The following ADGRE2 variants were observed in gnomAD, a reference collection of about 807,000 sequenced individuals.
ADGRE2 encodes the protein adhesion G protein-coupled receptor E2, also known as CD97 antigen.
In ADGRE2, 83 loss-of-function variants were observed where a neutral mutation model predicts 100.8. The ratio of observed to expected loss-of-function variants is 0.82; its 90% CI spans 0.69 to 0.99. ADGRE2 has a LOEUF of 0.99. Ranked by LOEUF, ADGRE2 falls within the 50% of genes least tolerant of loss-of-function variation. The pLI is 0.00. For synonymous variants in ADGRE2, 355 were observed against 413.0 expected (o/e 0.86, Z 1.70); for missense variants, 814 against 1,035.7 (o/e 0.79, Z 2.94).
At chr19:14,725,502 T>C in the ADGRE2 span, among the ~76,000 whole-genome samples, 1 of 152,136 alleles carries the variant, frequency 6.6e-6, no homozygotes, top group Admixed American at 6.5e-5. Flanking sequence ...GTCAAAAGTC[T>C]CATCTGAAGA....
rs766645193 is a variant in ADGRE2 at position 14,764,478 on chromosome 19, T to C, written c.1039A>G (p.Asn347Asp). 1 of 1,613,174 alleles carries C rather than the reference T, an allele frequency of 6.2e-7. No individual in the cohort carries two copies. The highest frequency in any genetic ancestry group is 1.7e-5 in the Admixed American group (1 of 60,004). Residue 347 changes from asparagine (N) to aspartate (D), a missense_variant, in exon 11 of 21, where the codon AAC (asparagine) becomes GAC (aspartate). By Grantham distance (23) the Asn-to-Asp change is conservative. Around this residue, in one of 5 missense-constraint regions of ADGRE2, gnomAD observed 569 missense variants for 692.7 expected, o/e 0.82. Coordinates refer to ENST00000315576, the MANE Select transcript of ADGRE2 (RefSeq NM_013447.4). The part of the protein sequence containing the change: ...LEDVLRGLSK[N>D]LSNGLLNFSY... The stretch of plus-strand genomic sequence containing the variant: ...AAGTTCAACAGCCCATTGGAAAGGT[T>C]CTTGCTCAGGCCTCTGAGGACATCC...
intron 17 of ADGRE2, 52 bp from the exon 18 acceptor site, chr19:14,746,375 C>CT (rs34368264): frequency 0.057 from 44,131 of 767,702 alleles, 1,021 homozygotes; most frequent in East Asian, 0.11. Flanking sequence ...CCTGTTATCT[C>CT]TTTTTTTTTT....
At chr19:14,752,239 T>G in intron 15 of ADGRE2, 90 bp downstream of exon 15, 2 of 1,506,070 alleles carry the variant, frequency 1.3e-6, no homozygotes, top group Non-Finnish European at 1.8e-6. Context: ...AGCCGGGCTA[T>G]TATATTAAGG....
intron 12 of ADGRE2, 91 bp downstream of exon 12, chr19:14,756,147 C>G: frequency 1.9e-6 from 2 of 1,065,792 alleles, no homozygotes; most frequent in Non-Finnish European, 2.9e-6. Context: ...CCACACTTCC[C>G]TTTAATCTTT....
chr19:14,729,243 C>G (rs1012874718), downstream of ADGRE2, among the ~76,000 whole-genome samples: 1 of 152,110 alleles, frequency 6.6e-6, no homozygotes, highest in Non-Finnish European at 1.5e-5. Flanking sequence ...CCTTATTGGC[C>G]AGATAATTCT....
chr19:14,767,243 T>C (rs2044022832), intron 5 of ADGRE2, 134 bp from the exon 6 acceptor site: 1 of 79,722 alleles, frequency 1.3e-5, no homozygotes, highest in Non-Finnish European at 1.9e-5. Context: ...TCTTTCTTTC[T>C]TTTTTTTTTT....
chr19:14,766,880 G>A, intron 6 of ADGRE2, 98 bp downstream of exon 6: 1 of 1,390,116 alleles, frequency 7.2e-7, no homozygotes, highest in South Asian at 1.3e-5. Context: ...GTGGGAACCT[G>A]CGGATCTTCT....
rs1012663908 is a variant in ADGRE2 at position 14,763,092 on chromosome 19, C to A, written c.1084+1341G>T. Among the ~76,000 whole-genome samples, 9 of 152,164 alleles carry A rather than the reference C, an allele frequency of 5.9e-5. 1 individual carries two copies. The South Asian group carries it at 1.5e-3, about 25-fold the overall frequency. On this transcript the variant is annotated intron_variant, in intron 11 of 20. Transcript: ENST00000315576. ...GTGGCTCACGCCTGTAATCCCAGCA[C>A]TTTGGGAAGCCGAGGCAAGTGGATT...
At chr19:14,759,310 C>T (rs1036273605) in intron 11 of ADGRE2, among the ~76,000 whole-genome samples, 97 of 151,792 alleles carry the variant, frequency 6.4e-4, no homozygotes, top group African/African-American at 2.2e-3. Flanking sequence ...TCAGGCTGCT[C>T]GTTATTAGAA....
intron 10 of ADGRE2, among the ~76,000 whole-genome samples, chr19:14,765,109 G>A (rs2043906352): frequency 6.6e-6 from 1 of 152,174 alleles, no homozygotes; most frequent in Non-Finnish European, 1.5e-5. Flanking sequence ...TATCAATGCT[G>A]ACCTAAACCC....
At chr19:14,758,734 A>G (rs2043588205) in intron 11 of ADGRE2, among the ~76,000 whole-genome samples, 5 of 151,916 alleles carry the variant, frequency 3.3e-5, no homozygotes, top group Admixed American at 3.3e-4. Flanking sequence ...AATACAAAAA[A>G]ATTAGCTGGG....
rs1214376320 is a variant in ADGRE2, at chr19:14,736,264, A to T, written c.2464-20T>A. The T allele has an allele frequency of 6.7e-7, 1 of 1,490,808 alleles. No homozygotes were observed. The highest frequency in any genetic ancestry group is 2.3e-5 in the East Asian group (1 of 42,908). The allele number at this position is 1,490,808 out of a possible 1,614,324, so 92.3% of individuals were successfully genotyped here. ...GTTAACCTGAAATATATATATATGT[A>T]TGTATTTTGTTGTTGAGACAGAGTT... On this transcript the variant is annotated intron_variant, in intron 20 of 20. Transcript: ENST00000315576.
Position 14,734,686 on chromosome 19 carries a change from C to T in ADGRE2, c.*1550G>A, listed in dbSNP as rs1251049506. 1 of 152,216 alleles carries T rather than the reference C, an allele frequency of 6.6e-6. No homozygotes were observed. Among genetic ancestry groups the T allele is most frequent in the Non-Finnish European group, 1.5e-5 (1 of 68,056 alleles). The allele number at this position is 152,216 out of a possible 1,614,324, so 9.4% of individuals were successfully genotyped here. ...AGGTGATCTGACCACCTCAGCCTCC[C>T]AAAGTGCTGGGATTATAGGCGTGAG... On this transcript the variant is annotated 3_prime_UTR_variant, in exon 21 of 21. Transcript: ENST00000315576.
At chr19:14,758,314 C>G (rs961235250) in intron 11 of ADGRE2, among the ~76,000 whole-genome samples, 1 of 152,162 alleles carries the variant, frequency 6.6e-6, no homozygotes, top group African/African-American at 2.4e-5. Flanking sequence ...ATGCTTACAA[C>G]TGGACAACCA....
In ADGRE2 at chr19:14,734,460, G is replaced by C. The variant is rs992690008; in HGVS notation, c.*1776C>G. ...GCTTAGGCCTTGGGAGGTCGAGGCT[G>C]CAGTGAGCAGTGTTTGTGCCATTGT... is the stretch of plus-strand genomic sequence containing the variant. On this transcript the variant is annotated 3_prime_UTR_variant, in exon 21 of 21. Transcript: ENST00000315576. The C allele has an allele frequency of 2.6e-5, 4 of 152,244 alleles. No individual in the cohort carries two copies. Among genetic ancestry groups the C allele is most frequent in the African/African-American group, 9.7e-5 (4 of 41,446 alleles). 9.4% of individuals were successfully genotyped at this position (152,244 alleles called of 1,614,324 possible).
intron 18 of ADGRE2, among the ~76,000 whole-genome samples, chr19:14,745,371 T>C (rs561545451): frequency 1.8e-4 from 27 of 152,330 alleles, no homozygotes; most frequent in South Asian, 6.2e-4. Flanking sequence ...ATTTGGGGTA[T>C]CCGTCACTTC....
downstream of ADGRE2, among the ~76,000 whole-genome samples, chr19:14,729,023 G>C (rs2042651092): frequency 6.6e-6 from 1 of 152,186 alleles, no homozygotes; most frequent in African/African-American, 2.4e-5. Flanking sequence ...GTGCAGTTTT[G>C]AAGGGTATGT....
rs765498436 is a variant in ADGRE2, at chr19:14,766,991, C to A, written c.474G>T (p.Pro158=). ...TGGGGCCTCTACCTGTGCAGAGCTT[C>A]GGGTCCTCAGGTTTGAGCTTGAAGC... is the stretch of plus-strand genomic sequence containing the variant. The part of the protein sequence containing the change: ...LPGFKLKPED[P]KLCTDVNECT... The change falls in exon 6 of 21, where the codon CCG becomes CCT. Residue 158 remains proline, a synonymous_variant. Transcript: ENST00000315576. The A allele has an allele frequency of 8.5e-7, 1 of 1,174,534 alleles. No individual in the cohort carries two copies. The highest frequency in any genetic ancestry group is 1.2e-6 in the Non-Finnish European group (1 of 852,254). 72.8% of individuals were successfully genotyped at this position (1,174,534 alleles called of 1,614,324 possible).
chr19:14,776,818 C>A lies in ADGRE2; in HGVS notation c.-62G>T. 5 of 1,606,078 alleles carry A rather than the reference C, an allele frequency of 3.1e-6. No individual in the cohort carries two copies. The Admixed American group carries it at 5.1e-5, about 16-fold the overall frequency. ...AAGAGTGAGTGGGACAGGGCTGTCC[C>A]GTCTCCGCAGGCTGGGCAGCTGTGC... On this transcript the variant is annotated 5_prime_UTR_variant, in exon 2 of 21. Transcript: ENST00000315576.
Sources: gnomAD v4.1 joint callset for allele counts (sites outside exome capture counted in the v4.1 genomes callset) on GRCh38, gnomAD v4.1.1 for gene constraint, gnomAD v4.1.1 regional missense constraint, MANE v1.5 for transcripts, NCBI Gene and HGNC (gene_info 2026-07-23, HGNC 2026-07-21) for gene names.